Variants in ITGBL1 observed in about 807,000 individuals in gnomAD.
The protein encoded by ITGBL1 is integrin subunit beta like 1.
In ITGBL1, 51 loss-of-function variants were observed where a neutral mutation model predicts 68.5. The ratio of observed to expected loss-of-function variants is 0.74; its 90% CI spans 0.59 to 0.94. ITGBL1 has a LOEUF of 0.94. Among genes scored for constraint, ITGBL1 ranks in the 40% least tolerant of loss-of-function variants. The pLI is 0.00. For missense variants in ITGBL1, 649 were observed against 647.4 expected (o/e 1.00, Z -0.03); for synonymous variants, 209 against 227.3 (o/e 0.92, Z 0.72).
chr13:101,498,125 C>A (rs1174996806), intron 2 of ITGBL1, among the ~76,000 whole-genome samples: 1 of 151,944 alleles, frequency 6.6e-6, no homozygotes, highest in Non-Finnish European at 1.5e-5. Flanking sequence ...ATTTTTGTTG[C>A]ACTTTTTCTT....
intron 7 of ITGBL1, among the ~76,000 whole-genome samples, chr13:101,611,356 G>C (rs1236337400): frequency 6.6e-6 from 1 of 152,122 alleles, no homozygotes; most frequent in East Asian, 1.9e-4. Context: ...ATCCTTTCAT[G>C]TGCCCTTCTG....
chr13:101,489,942 T>C (rs953684533), intron 2 of ITGBL1: 138 of 1,496,852 alleles, frequency 9.2e-5, no homozygotes, highest in Non-Finnish European at 1.2e-4. Context: ...AAACAAAATA[T>C]TTTTACTTTA....
chr13:101,631,932 A>G (rs1054451242), intron 7 of ITGBL1, among the ~76,000 whole-genome samples: 1 of 152,164 alleles, frequency 6.6e-6, no homozygotes, highest in Non-Finnish European at 1.5e-5. Context: ...CCGAATGTAA[A>G]AGTCTAAACT....
At chr13:101,565,802 CTG>C (rs2050174885) in intron 2 of ITGBL1, among the ~76,000 whole-genome samples, 1 of 152,028 alleles carries the variant, frequency 6.6e-6, no homozygotes, top group African/African-American at 2.4e-5. Flanking sequence ...TTTCATGAAA[CTG>C]AGCCTCCATG....
At chr13:101,493,705 A>T (rs1237378706) in intron 2 of ITGBL1, among the ~76,000 whole-genome samples, 1 of 152,116 alleles carries the variant, frequency 6.6e-6, no homozygotes, top group African/African-American at 2.4e-5. Flanking sequence ...CACCTGGGGG[A>T]CCTAAGCCTG....
intron 2 of ITGBL1, among the ~76,000 whole-genome samples, chr13:101,531,463 G>A (rs1281592039): frequency 6.6e-6 from 1 of 152,022 alleles, no homozygotes; most frequent in Non-Finnish European, 1.5e-5. Flanking sequence ...ACTCTGGAAA[G>A]GATTAAAAAG....
At chr13:101,558,305 A>T (rs904441143) in intron 2 of ITGBL1, among the ~76,000 whole-genome samples, 17 of 151,920 alleles carry the variant, frequency 1.1e-4, no homozygotes, top group African/African-American at 4.1e-4. Context: ...GATACTGAGG[A>T]CTCCAGAAAC....
chr13:101,718,334 T>C (rs1231786762), downstream of ITGBL1: 1 of 152,120 alleles, frequency 6.6e-6, no homozygotes, highest in African/African-American at 2.4e-5. Flanking sequence ...AATAGTTACA[T>C]GTAAAGACAT....
At chr13:101,646,458 C>T (rs1178848558) in intron 7 of ITGBL1, among the ~76,000 whole-genome samples, 1 of 151,932 alleles carries the variant, frequency 6.6e-6, no homozygotes, top group African/African-American at 2.4e-5. Context: ...ATAAAAGTTC[C>T]ATTAATTTGG....
At chr13:101,486,274 T>C (rs1370810208) in intron 2 of ITGBL1, among the ~76,000 whole-genome samples, 1 of 152,142 alleles carries the variant, frequency 6.6e-6, no homozygotes, top group East Asian at 1.9e-4. Context: ...CACTTATAAG[T>C]AGGAGCTAAG....
intron 6 of ITGBL1, among the ~76,000 whole-genome samples, chr13:101,584,895 A>G (rs886156112): frequency 6.6e-6 from 1 of 151,722 alleles, no homozygotes; most frequent in Non-Finnish European, 1.5e-5. Flanking sequence ...GCAGGAGGCT[A>G]TTGGATCACA....
At chr13:101,668,828 T>A (rs2033286398) in intron 7 of ITGBL1, among the ~76,000 whole-genome samples, 1 of 152,178 alleles carries the variant, frequency 6.6e-6, no homozygotes, top group African/African-American at 2.4e-5. Context: ...CAGAGGTTCA[T>A]GTTTATTTAA....
At chr13:101,555,483 A>G (rs2049989585) in intron 2 of ITGBL1, among the ~76,000 whole-genome samples, 1 of 152,160 alleles carries the variant, frequency 6.6e-6, no homozygotes, top group Non-Finnish European at 1.5e-5. Flanking sequence ...AAAAACACAG[A>G]AAAATTAATT....
At chr13:101,517,484 G>T (rs2049214356) in intron 2 of ITGBL1, among the ~76,000 whole-genome samples, 1 of 152,106 alleles carries the variant, frequency 6.6e-6, no homozygotes, top group Non-Finnish European at 1.5e-5. Flanking sequence ...CAGAATGACT[G>T]GGATTCAACC....
intron 8 of ITGBL1, 86 bp from the exon 9 acceptor site, chr13:101,706,670 T>TGGTTTACAC: frequency 7.5e-7 from 1 of 1,329,616 alleles, no homozygotes; most frequent in Non-Finnish European, 1.0e-6. Context: ...TGAGATCCTA[T>TGGTTTACAC]GGTTTACACA....
At position 101,671,437 on chromosome 13, in the gene ITGBL1, G is replaced by GTTTTT. The variant is rs1491455482; in HGVS notation, c.1016-21143_1016-21139dup. Among the ~76,000 whole-genome samples, 15 of 102,842 alleles carry GTTTTT rather than the reference G, an allele frequency of 1.5e-4. 1 individual carries two copies. Among genetic ancestry groups the GTTTTT allele is most frequent in the Admixed American group, 2.4e-4 (2 of 8,384 alleles). 67.5% of individuals were successfully genotyped at this position (102,842 alleles called of 152,430 possible). A position where few individuals can be genotyped will look rare whatever the true frequency, so the allele number is the denominator to read the frequency against. The stretch of plus-strand genomic sequence containing the variant: ...AAAAGTATACCTTTGTTTTTTTTTT[G>GTTTTT]TTTTTTTTTGTTTTTTTTTGAGACG... On this transcript the variant is annotated intron_variant, in intron 7 of 10. Transcript: ENST00000376180.
chr13:101,699,406 A>G (rs34849630), intron 8 of ITGBL1, among the ~76,000 whole-genome samples: 5,689 of 152,184 alleles, frequency 0.037, 132 homozygotes, highest in East Asian at 0.098. Context: ...TTTCATCTTG[A>G]ATTGTAGTTT....
intron 2 of ITGBL1, among the ~76,000 whole-genome samples, chr13:101,550,834 G>A (rs1259478274): frequency 1.3e-5 from 2 of 152,046 alleles, no homozygotes; most frequent in African/African-American, 4.8e-5. Context: ...TTTCTCATGA[G>A]CTTTCTTCCT....
intron 7 of ITGBL1, among the ~76,000 whole-genome samples, chr13:101,646,246 CTT>C (rs1314246955): frequency 6.6e-6 from 1 of 152,040 alleles, no homozygotes; most frequent in Non-Finnish European, 1.5e-5. Context: ...GAATAAAACT[CTT>C]TTACAGTAAT....
Sources: gnomAD v4.1 joint callset for allele counts (sites outside exome capture counted in the v4.1 genomes callset) on GRCh38, gnomAD v4.1.1 for gene constraint, MANE v1.5 for transcripts, NCBI Gene and HGNC (gene_info 2026-07-23, HGNC 2026-07-21) for gene names.